The following ZFPM2 variants were observed in gnomAD, a reference collection of about 807,000 sequenced individuals.
ZFPM2 encodes the protein zinc finger protein ZFPM2.
Under a neutral mutation model 98.6 loss-of-function variants are expected in ZFPM2, and 20 were observed. The observed-to-expected ratio is 0.20, with a 90% CI of 0.14 to 0.29. ZFPM2 has a LOEUF of 0.29. Ranked by LOEUF, ZFPM2 falls within the 10% of genes least tolerant of loss-of-function variation. The pLI is 1.00. For synonymous variants in ZFPM2, 518 were observed against 502.7 expected, an observed-to-expected ratio of 1.03 and a Z score of -0.41; for missense variants, 1,310 against 1,388.6, an observed-to-expected ratio of 0.94 and a Z score of 0.90.
intron 5 of ZFPM2, among the ~76,000 whole-genome samples, chr8:105,721,249 G>GA (rs1031913616): frequency 6.6e-6 from 1 of 151,866 alleles, no homozygotes; most frequent in African/African-American, 2.4e-5. Flanking sequence ...GCCTTTGGTT[G>GA]AAAAAAATCG....
chr8:105,574,116 C>T (rs1281574892), intron 4 of ZFPM2, among the ~76,000 whole-genome samples: 1 of 152,146 alleles, frequency 6.6e-6, no homozygotes, highest in Non-Finnish European at 1.5e-5. Flanking sequence ...CTCTTCTGTT[C>T]TCTCCCTAAA....
At position 105,392,880 on chromosome 8, in the gene ZFPM2, A is replaced by G. The variant is rs1161860478; in HGVS notation, c.41-26264A>G. ...TGCTTTTTCAGTTCTTTTCGTGCTT[A>G]TAGTGTCAGATAATAGGTTTTATTA... On this transcript the variant is annotated intron_variant, in intron 1 of 7. Transcript: ENST00000407775. 2.0e-5 allele frequency among the ~76,000 whole-genome samples: 3 copies of G among 152,168 alleles called. No homozygotes were observed. The East Asian group carries it at 5.8e-4, about 29-fold the overall frequency.
At position 105,419,185 on chromosome 8, in the gene ZFPM2, C is replaced by G; in HGVS notation, c.82C>G (p.Pro28Ala). 6.2e-7 allele frequency: 1 copy of G among 1,613,400 alleles called. No individual in the cohort carries two copies. Among genetic ancestry groups the G allele is most frequent in the Non-Finnish European group, 8.5e-7 (1 of 1,179,602 alleles). Residue 28 changes from proline (P) to alanine (A), a missense_variant, in exon 2 of 8, where the codon CCA (proline) becomes GCA (alanine). By Grantham distance (27) the Pro-to-Ala change is conservative. Coordinates refer to ENST00000407775, the MANE Select transcript of ZFPM2 (RefSeq NM_012082.4). ...CATTGAAGATGAGGAAGAAGAATGTCCATCAGAGGAAACAGACATCATCTC... is the reference window on the plus strand; with the variant it reads ...CATTGAAGATGAGGAAGAAGAATGTGCATCAGAGGAAACAGACATCATCTC... The part of the protein sequence containing the change: ...DAIEDEEEEC[P>A]SEETDIISKG...
chr8:105,686,290 C>T (rs1361114480), intron 5 of ZFPM2, among the ~76,000 whole-genome samples: 2 of 152,086 alleles, frequency 1.3e-5, no homozygotes, highest in Non-Finnish European at 2.9e-5. Flanking sequence ...ATTAAACAGT[C>T]GTTTTGCTTA....
intron 5 of ZFPM2, among the ~76,000 whole-genome samples, chr8:105,762,951 T>C (rs1287116736): frequency 2.6e-5 from 4 of 151,728 alleles, no homozygotes; most frequent in Non-Finnish European, 5.9e-5. Flanking sequence ...AAATTCCTCG[T>C]CAAATTTGTC....
chr8:105,801,548 G>C lies in ZFPM2; in HGVS notation c.1466G>C (p.Gly489Ala). Residue 489 changes from glycine (G) to alanine (A), a missense_variant, in exon 8 of 8, where the codon GGG becomes GCG. Gly to Ala is a moderately conservative substitution (Grantham distance 60, BLOSUM62 0). Transcript: ENST00000407775. ...LASSPVQPNI[G>A]PSFPVGPFLS... is the part of the protein sequence containing the mutation. Reference sequence around the variant, plus strand: ...TCATCTCCAGTTCAGCCTAATATTGGGCCTTCTTTCCCTGTGGGCCCTTTC... The same window carrying C: ...TCATCTCCAGTTCAGCCTAATATTGCGCCTTCTTTCCCTGTGGGCCCTTTC... The C allele has an allele frequency of 1.2e-6, 2 of 1,613,736 alleles. No homozygotes were observed. Among genetic ancestry groups the C allele is most frequent in the Non-Finnish European group, 8.5e-7 (1 of 1,179,836 alleles).
At chr8:105,613,000 C>T (rs1045801142) in intron 4 of ZFPM2, among the ~76,000 whole-genome samples, 1 of 152,156 alleles carries the variant, frequency 6.6e-6, no homozygotes, top group African/African-American at 2.4e-5. Flanking sequence ...CTTTTGTGAT[C>T]TTTACAACAC....
intron 5 of ZFPM2, among the ~76,000 whole-genome samples, chr8:105,653,852 A>ATTTTTTT (rs1563506586): frequency 5.3e-5 from 3 of 56,244 alleles, no homozygotes; most frequent in Non-Finnish European, 1.1e-4. Context: ...CTTGTGTGCT[A>ATTTTTTT]TCTTTTTTTT....
chr8:105,487,433 T>G (rs1432196821), intron 3 of ZFPM2, among the ~76,000 whole-genome samples: 1 of 152,138 alleles, frequency 6.6e-6, no homozygotes, highest in Non-Finnish European at 1.5e-5. Flanking sequence ...TATGTCATAT[T>G]ATACATCTAA....
At chr8:105,498,736 A>C (rs1425503968) in intron 3 of ZFPM2, among the ~76,000 whole-genome samples, 1 of 152,216 alleles carries the variant, frequency 6.6e-6, no homozygotes, top group African/African-American at 2.4e-5. Flanking sequence ...GCCTATAAGC[A>C]GTTCATTCCT....
At chr8:105,403,942 A>G (rs1256185785) in intron 1 of ZFPM2, among the ~76,000 whole-genome samples, 1 of 151,828 alleles carries the variant, frequency 6.6e-6, no homozygotes, top group Non-Finnish European at 1.5e-5. Context: ...AAATTGCCAT[A>G]TACTTGGAGG....
chr8:105,599,982 T>C (rs945514886), intron 4 of ZFPM2, among the ~76,000 whole-genome samples: 1 of 152,130 alleles, frequency 6.6e-6, no homozygotes, highest in African/African-American at 2.4e-5. Flanking sequence ...CAGAGAGGCC[T>C]AAGTCTAGAA....
chr8:105,412,070 C>A (rs986150646), intron 1 of ZFPM2, among the ~76,000 whole-genome samples: 6 of 151,790 alleles, frequency 4.0e-5, no homozygotes, highest in Non-Finnish European at 8.8e-5. Context: ...AAATTGTTTT[C>A]AAGTTTATAT....
intron 1 of ZFPM2, among the ~76,000 whole-genome samples, chr8:105,411,007 G>A (rs1811565799): frequency 6.6e-6 from 1 of 151,756 alleles, no homozygotes. Flanking sequence ...AAAGGACCAT[G>A]GATTTCACAC....
At chr8:105,705,929 G>T (rs1811248147) in intron 5 of ZFPM2, among the ~76,000 whole-genome samples, 1 of 152,040 alleles carries the variant, frequency 6.6e-6, no homozygotes, top group Non-Finnish European at 1.5e-5. Context: ...TCAGAAATGT[G>T]GAATAAGTTA....
rs537642328 is a variant in ZFPM2 at position 105,465,499 on chromosome 8, A to G, written c.301+21118A>G. The stretch of plus-strand genomic sequence containing the variant: ...ATTGTTTATTATTTTATATCACACA[A>G]AAAACGCAAAGCCAACAAATACTAA... On this transcript the variant is annotated intron_variant, in intron 3 of 7. Transcript: ENST00000407775. Among the ~76,000 whole-genome samples the G allele has an allele frequency of 1.7e-4, 26 of 152,042 alleles. No individual in the cohort carries two copies. The South Asian group carries it at 5.4e-3, about 32-fold the overall frequency.
At chr8:105,790,527 T>C (rs1813577251) in intron 6 of ZFPM2, among the ~76,000 whole-genome samples, 1 of 151,864 alleles carries the variant, frequency 6.6e-6, no homozygotes. Flanking sequence ...TCAGGTAGCG[T>C]GATGCCTCCA....
At chr8:105,482,261 T>C (rs1813134887) in intron 3 of ZFPM2, among the ~76,000 whole-genome samples, 1 of 152,094 alleles carries the variant, frequency 6.6e-6, no homozygotes, top group Non-Finnish European at 1.5e-5. Flanking sequence ...TTAATAGTGA[T>C]TTTTTTGGCT....
intron 3 of ZFPM2, among the ~76,000 whole-genome samples, chr8:105,537,883 C>T (rs1229576914): frequency 6.6e-6 from 1 of 151,866 alleles, no homozygotes; most frequent in Non-Finnish European, 1.5e-5. Flanking sequence ...AGGTGTGTGC[C>T]ACCACGCCTG....
Sources: gnomAD v4.1 joint callset for allele counts (sites outside exome capture counted in the v4.1 genomes callset) on GRCh38, gnomAD v4.1.1 for gene constraint, MANE v1.5 for transcripts, NCBI Gene and HGNC (gene_info 2026-07-23, HGNC 2026-07-21) for gene names.